The following LHFPL3 variants were observed in gnomAD, a reference collection of about 807,000 sequenced individuals.
LHFPL3 encodes the protein LHFPL tetraspan subfamily member 3 protein.
A neutral mutation model predicts 19.3 loss-of-function variants in LHFPL3; 5 were observed. That is an observed-to-expected ratio of 0.26 (90% CI 0.14 to 0.54). The LOEUF is 0.54. Ranked by LOEUF, LHFPL3 falls within the 20% of genes least tolerant of loss-of-function variation. LHFPL3 has a pLI of 0.94. For missense variants in LHFPL3, 249 were observed against 307.4 expected, an observed-to-expected ratio of 0.81 and a Z score of 1.42; for synonymous variants, 133 against 126.2, an observed-to-expected ratio of 1.05 and a Z score of -0.36.
intron 2 of LHFPL3, among the ~76,000 whole-genome samples, chr7:104,788,757 T>C (rs541896886): frequency 2.6e-5 from 4 of 152,358 alleles, no homozygotes; most frequent in African/African-American, 9.6e-5. Flanking sequence ...TATATTTTCC[T>C]GAGCGTTAAG....
intron 1 of LHFPL3, among the ~76,000 whole-genome samples, chr7:104,599,977 A>G (rs556129797): frequency 6.6e-6 from 1 of 152,110 alleles, no homozygotes; most frequent in Non-Finnish European, 1.5e-5. Context: ...TGGCCCTTCA[A>G]CTCTGGTCCC....
chr7:104,505,520 A>T (rs1793680048), intron 1 of LHFPL3, among the ~76,000 whole-genome samples: 1 of 152,220 alleles, frequency 6.6e-6, no homozygotes, highest in Non-Finnish European at 1.5e-5. Flanking sequence ...AAGAGGCATG[A>T]TAACGCACTG....
intron 1 of LHFPL3, among the ~76,000 whole-genome samples, chr7:104,506,466 A>T (rs1276848369): frequency 1.3e-5 from 2 of 152,010 alleles, no homozygotes; most frequent in Non-Finnish European, 2.9e-5. Context: ...ATGTTCACTT[A>T]TTTGTCTCTG....
Position 104,720,388 on chromosome 7 carries a change from A to G in LHFPL3, c.446-16287A>G, listed in dbSNP as rs541756499. Among the ~76,000 whole-genome samples the G allele has an allele frequency of 4.6e-5, 7 of 152,270 alleles. No individual in the cohort carries two copies. The South Asian group carries it at 1.5e-3, about 32-fold the overall frequency. The stretch of plus-strand genomic sequence containing the variant: ...TTCCTTATACCTTATACAAAAATTA[A>G]TTCAAGATGGATTAAAGACTTACAT... On this transcript the variant is annotated intron_variant, in intron 1 of 2. Transcript: ENST00000424859.
At chr7:104,654,896 A>G (rs983513622) in intron 1 of LHFPL3, among the ~76,000 whole-genome samples, 4 of 152,136 alleles carry the variant, frequency 2.6e-5, no homozygotes, top group African/African-American at 9.7e-5. Flanking sequence ...TTTCTTATAC[A>G]CAGAGGTACA....
chr7:104,848,661 A>G (rs1791358838), intron 2 of LHFPL3, among the ~76,000 whole-genome samples: 1 of 151,800 alleles, frequency 6.6e-6, no homozygotes, highest in Non-Finnish European at 1.5e-5. Flanking sequence ...GAGAAGGGGA[A>G]AGGAGGAGGA....
At chr7:104,775,079 T>C (rs112586860) in intron 2 of LHFPL3, among the ~76,000 whole-genome samples, 6 of 152,278 alleles carry the variant, frequency 3.9e-5, no homozygotes, top group African/African-American at 9.6e-5. Flanking sequence ...ATAACCATAA[T>C]ACAGTATATG....
At chr7:104,524,829 A>G (rs903821806) in intron 1 of LHFPL3, among the ~76,000 whole-genome samples, 2 of 152,154 alleles carry the variant, frequency 1.3e-5, no homozygotes, top group Non-Finnish European at 2.9e-5. Context: ...ATCTCCTACT[A>G]TTTGTTCTTT....
intron 1 of LHFPL3, among the ~76,000 whole-genome samples, chr7:104,699,014 GTAT>G (rs1793052362): frequency 6.6e-6 from 1 of 152,144 alleles, no homozygotes; most frequent in South Asian, 2.1e-4. Context: ...AGTATAATTG[GTAT>G]TATTTTTTAA....
At chr7:104,863,292 A>C (rs1028130860) in intron 2 of LHFPL3, among the ~76,000 whole-genome samples, 5 of 152,176 alleles carry the variant, frequency 3.3e-5, no homozygotes, top group Non-Finnish European at 2.9e-5. Flanking sequence ...TATTCCTATG[A>C]GTGTGTTGAA....
chr7:104,643,431 A>T (rs545938564), intron 1 of LHFPL3, among the ~76,000 whole-genome samples: 2 of 152,218 alleles, frequency 1.3e-5, no homozygotes, highest in South Asian at 2.1e-4. Flanking sequence ...TGTTACTCTT[A>T]ACTACTACTA....
At chr7:104,427,352 A>G (rs978428130) in intron 1 of LHFPL3, among the ~76,000 whole-genome samples, 1 of 152,236 alleles carries the variant, frequency 6.6e-6, no homozygotes, top group African/African-American at 2.4e-5. Context: ...ATACTAAACT[A>G]TCTACGCTAG....
At chr7:104,544,221 CA>C (rs1385201442) in intron 1 of LHFPL3, among the ~76,000 whole-genome samples, 1 of 152,018 alleles carries the variant, frequency 6.6e-6, no homozygotes, top group Non-Finnish European at 1.5e-5. Flanking sequence ...CAGTCCCTTT[CA>C]GTAATTATTC....
chr7:104,330,981 GT>G (rs1452824410), intron 1 of LHFPL3, among the ~76,000 whole-genome samples: 1 of 152,004 alleles, frequency 6.6e-6, no homozygotes, highest in Non-Finnish European at 1.5e-5. Context: ...AAATTACATC[GT>G]TTTTAAAAGG....
chr7:104,593,931 T>C (rs1790785235), intron 1 of LHFPL3, among the ~76,000 whole-genome samples: 2 of 152,316 alleles, frequency 1.3e-5, no homozygotes, highest in South Asian at 4.1e-4. Context: ...TTTGAGCCTA[T>C]GTGCGTCTTT....
intron 2 of LHFPL3, among the ~76,000 whole-genome samples, chr7:104,887,419 A>G (rs1792170718): frequency 1.3e-5 from 2 of 152,208 alleles, no homozygotes; most frequent in Non-Finnish European, 2.9e-5. Flanking sequence ...CAAACAAGTC[A>G]TTACTTGGGT....
intron 1 of LHFPL3, among the ~76,000 whole-genome samples, chr7:104,474,687 C>CAAAAA (rs928431129): frequency 3.1e-3 from 127 of 40,560 alleles, no homozygotes; most frequent in Non-Finnish European, 4.4e-3. Flanking sequence ...ACAACAACAA[C>CAAAAA]AAAAAAAAAA....
intron 1 of LHFPL3, among the ~76,000 whole-genome samples, chr7:104,486,148 C>A (rs1793232674): frequency 6.6e-6 from 1 of 152,130 alleles, no homozygotes; most frequent in African/African-American, 2.4e-5. Context: ...TGCTTTTAAG[C>A]TAACTTTGGT....
intron 1 of LHFPL3, among the ~76,000 whole-genome samples, chr7:104,558,618 G>A (rs992722966): frequency 3.1e-4 from 47 of 150,740 alleles, no homozygotes; most frequent in African/African-American, 7.2e-4. Context: ...ATTTTCTCCC[G>A]TTTTGTAGGT....
Sources: gnomAD v4.1 joint callset for allele counts (sites outside exome capture counted in the v4.1 genomes callset) on GRCh38, gnomAD v4.1.1 for gene constraint, MANE v1.5 for transcripts, NCBI Gene and HGNC (gene_info 2026-07-23, HGNC 2026-07-21) for gene names.